The following MTMR14 variants were observed in gnomAD, a reference collection of about 807,000 sequenced individuals.
The protein encoded by MTMR14 is myotubularin related protein 14.
A neutral mutation model predicts 86.3 loss-of-function variants in MTMR14; 48 were observed. The observed-to-expected ratio is 0.56, with a 90% confidence interval of 0.44 to 0.71. The LOEUF (loss-of-function observed/expected upper bound fraction) is 0.71. Among genes scored for constraint, MTMR14 ranks in the 30% least tolerant of loss-of-function variants. The probability of loss-of-function intolerance (pLI) is 0.00; values close to 1 mark genes in which losing one functional copy is unlikely to be tolerated. For missense variants in MTMR14, 780 were observed against 834.6 expected, an observed-to-expected ratio of 0.93 and a Z score of 0.81; for synonymous variants, 366 against 326.1, an observed-to-expected ratio of 1.12 and a Z score of -1.32.
chr3:9,689,226 C>T (rs2125318594), intron 16 of MTMR14, 144 bp downstream of exon 16: 1 of 1,317,420 alleles, frequency 7.6e-7, no homozygotes, highest in Middle Eastern at 2.5e-4. Flanking sequence ...GCTGTCTCTA[C>T]TGGGCCTCAG....
chr3:9,689,743 C>T (rs774622882), intron 16 of MTMR14, among the ~76,000 whole-genome samples: 46 of 152,350 alleles, frequency 3.0e-4, no homozygotes, highest in Non-Finnish European at 5.1e-4. Context: ...CTAGCACATA[C>T]TTCAAGACCA....
intron 9 of MTMR14, among the ~76,000 whole-genome samples, chr3:9,681,480 C>T (rs1329852427): frequency 6.6e-6 from 1 of 152,184 alleles, no homozygotes; most frequent in South Asian, 2.1e-4. Flanking sequence ...ACCTACATTA[C>T]AGTTTTTACC....
At chr3:9,681,778 C>T (rs192467259) in intron 9 of MTMR14, among the ~76,000 whole-genome samples, 112 of 152,084 alleles carry the variant, frequency 7.4e-4, no homozygotes, top group Non-Finnish European at 1.1e-3. Context: ...AGGAAGAGTA[C>T]CTACAGTGAT....
intron 2 of MTMR14, among the ~76,000 whole-genome samples, chr3:9,655,757 G>A (rs1048588771): frequency 6.7e-6 from 1 of 149,276 alleles, no homozygotes; most frequent in Non-Finnish European, 1.5e-5. Context: ...CAGCACACCC[G>A]GCCTCTTGAT....
In MTMR14 at chr3:9,684,896, C is replaced by T; in HGVS notation, c.1059C>T (p.Leu353=). The T allele has an allele frequency of 1.2e-6, 2 of 1,614,154 alleles. No individual in the cohort carries two copies. The highest frequency in any genetic ancestry group is 1.7e-6 in the Non-Finnish European group (2 of 1,180,002). ...CCTGTGGTCTCTTCCAGGATGGGCT[C>T]ATCCACACGTCCCTGAAGCCCACTG... ...LLRLSLWADG[L]IHTSLKPTEI... is the part of the protein sequence containing the mutation. Residue 353 remains leucine (L), a synonymous_variant, in exon 12 of 19, where the codon CTC becomes CTT. Transcript: ENST00000296003.
At chr3:9,676,724 GGA>G (rs2075592461) in intron 7 of MTMR14, among the ~76,000 whole-genome samples, 1 of 152,178 alleles carries the variant, frequency 6.6e-6, no homozygotes, top group African/African-American at 2.4e-5. Flanking sequence ...TTGTCCTGGT[GGA>G]GTTACTTATG....
chr3:9,665,265 G>C (rs923782779), intron 3 of MTMR14, among the ~76,000 whole-genome samples: 58 of 144,370 alleles, frequency 4.0e-4, no homozygotes, highest in African/African-American at 1.5e-3. Flanking sequence ...CTGGGCGACA[G>C]TGTGAGACTG....
intron 3 of MTMR14, among the ~76,000 whole-genome samples, chr3:9,665,974 G>A (rs1268075036): frequency 2.0e-5 from 3 of 151,300 alleles, no homozygotes; most frequent in Admixed American, 1.3e-4. Flanking sequence ...TGATCCGCCC[G>A]TCTCGGCCTC....
Position 9,688,795 on chromosome 3 carries a change from T to G in MTMR14, c.1294+41T>G, listed in dbSNP as rs2076045066. On this transcript the variant is annotated intron_variant, in intron 15 of 18. Transcript: ENST00000296003. ...CAACAGACTTCCCTTCCTCCATACATCTTCCCGTGTACAGATCAGGCAGGA... is the reference window on the plus strand; with the variant it reads ...CAACAGACTTCCCTTCCTCCATACAGCTTCCCGTGTACAGATCAGGCAGGA... 7.4e-6 allele frequency: 12 copies of G among 1,612,936 alleles called. No individual in the cohort carries two copies. In the East Asian group the frequency reaches 2.7e-4, roughly 36 times the overall value.
intron 9 of MTMR14, among the ~76,000 whole-genome samples, chr3:9,681,010 A>G (rs1436597256): frequency 2.0e-5 from 3 of 152,158 alleles, no homozygotes; most frequent in Non-Finnish European, 4.4e-5. Flanking sequence ...CTCTCCAGTC[A>G]TATGGTTACA....
intron 7 of MTMR14, among the ~76,000 whole-genome samples, chr3:9,675,107 G>A (rs538731570): frequency 8.5e-5 from 13 of 152,220 alleles, no homozygotes; most frequent in East Asian, 3.9e-4. Context: ...GGGAAACTCC[G>A]TCTCAAAACA....
chr3:9,668,587 C>T, intron 3 of MTMR14, 132 bp from the exon 4 acceptor site: 1 of 827,462 alleles, frequency 1.2e-6, no homozygotes, highest in Non-Finnish European at 2.0e-6. Context: ...AGCCTTGATG[C>T]TGATAAAACT....
intron 14 of MTMR14, among the ~76,000 whole-genome samples, chr3:9,688,419 A>G (rs574977309): frequency 6.6e-6 from 1 of 152,310 alleles, no homozygotes; most frequent in East Asian, 1.9e-4. Context: ...CCGAGCTACA[A>G]GCATGTTGGG....
intron 5 of MTMR14, among the ~76,000 whole-genome samples, chr3:9,669,881 G>A (rs933213458): frequency 6.6e-6 from 1 of 152,182 alleles, no homozygotes; most frequent in African/African-American, 2.4e-5. Context: ...TGGTACTGAG[G>A]CACAGGGCAA....
rs1264464328 is a variant in MTMR14 at position 9,653,367 on chromosome 3, G to A, written c.160-254G>A. On this transcript the variant is annotated intron_variant, in intron 1 of 18. Transcript: ENST00000296003. The stretch of plus-strand genomic sequence containing the variant: ...TTTGAATCTAATGAAAGCTGTAATC[G>A]TCTCCCCCAAATGCTCAATACCCAC... Among the ~76,000 whole-genome samples, 3 of 152,028 alleles carry A rather than the reference G, an allele frequency of 2.0e-5. No individual in the cohort carries two copies. In the South Asian group the frequency reaches 6.2e-4, roughly 32 times the overall value.
Position 9,653,719 on chromosome 3 carries a change from C to G in MTMR14, c.258C>G (p.Pro86=), listed in dbSNP as rs1458020570. 6.2e-7 allele frequency: 1 copy of G among 1,614,168 alleles called. No homozygotes were observed. The highest frequency in any genetic ancestry group is 1.1e-5 in the South Asian group (1 of 91,078). ...ATGGGGATATCTGTGGCCACTATCC[C>G]CGGCACATCGTGTTCCTGGAGTATG... The part of the protein sequence containing the change: ...NTNGDICGHY[P]RHIVFLEYES... Residue 86 remains proline, a synonymous_variant, in exon 2 of 19, where the codon CCC becomes CCG. Coordinates refer to ENST00000296003, the MANE Select transcript of MTMR14 (RefSeq NM_001077525.3).
At chr3:9,696,375 G>A (rs1319966870) in intron 17 of MTMR14, among the ~76,000 whole-genome samples, 1 of 152,162 alleles carries the variant, frequency 6.6e-6, no homozygotes, top group African/African-American at 2.4e-5. Flanking sequence ...ATGGTGGCGG[G>A]CGTCTGTAAT....
chr3:9,702,198 A>G lies in MTMR14; in HGVS notation c.*225A>G. The G allele has an allele frequency of 1.7e-6, 1 of 601,788 alleles. No homozygotes were observed. Among genetic ancestry groups the G allele is most frequent in the Non-Finnish European group, 3.0e-6 (1 of 335,492 alleles). The allele number at this position is 601,788 out of a possible 1,614,324, so 37.3% of individuals were successfully genotyped here. A position where few individuals can be genotyped will look rare whatever the true frequency, so the allele number is the denominator to read the frequency against. On this transcript the variant is annotated 3_prime_UTR_variant, in exon 19 of 19. Transcript: ENST00000296003. ...CCACCCCTTCTTGTCACTGTCTCCC[A>G]CCCACCCCATCTTTGCTGGGATTCC...
At chr3:9,649,875 T>G in intron 1 of MTMR14, 133 bp downstream of exon 1, 7 of 1,510,338 alleles carry the variant, frequency 4.6e-6, no homozygotes, top group South Asian at 1.2e-5. Context: ...GAGAGAGGAG[T>G]TCTCCAGGGT....
Sources: allele counts gnomAD v4.1 joint callset (sites outside exome capture counted in the v4.1 genomes callset), GRCh38; gene constraint gnomAD v4.1.1; transcripts MANE v1.5; gene names NCBI Gene and HGNC (gene_info 2026-07-23, HGNC 2026-07-21).